OTC: variants seen among roughly 807,000 people sequenced by gnomAD.
OTC encodes the protein ornithine transcarbamylase.
OTC carries 3 observed loss-of-function variants against 30.3 expected under a neutral mutation model. The ratio of observed to expected loss-of-function variants is 0.10; its 90% confidence interval spans 0.05 to 0.26. The LOEUF is 0.26. OTC is among the 10% of genes least tolerant of loss of function. OTC has a pLI of 1.00. For missense variants in OTC, 194 were observed against 260.3 expected (o/e 0.75, Z 1.75); for synonymous variants, 111 against 99.7 (o/e 1.11, Z -0.67).
At chrX:38,345,714 T>A in the OTC span, among the ~76,000 whole-genome samples, 2 of 109,966 alleles carry the variant, frequency 1.8e-5, no homozygotes, top group African/African-American at 6.6e-5. Context: ...CTAATTTTTG[T>A]ATCCTTAGTA....
downstream of OTC, among the ~76,000 whole-genome samples, chrX:38,421,851 T>C (rs769391084): frequency 8.9e-6 from 1 of 111,846 alleles, no homozygotes; most frequent in South Asian, 3.7e-4. Flanking sequence ...CATCTGTGCT[T>C]ATCATGCATC....
chrX:38,354,807 C>A (rs1465674229), intron 1 of OTC, among the ~76,000 whole-genome samples: 1 of 111,795 alleles, frequency 8.9e-6, no homozygotes, highest in Non-Finnish European at 1.9e-5. Context: ...AGGTATTTTT[C>A]TTTCCTACTG....
At chrX:38,401,229 A>T (rs1194387537) in intron 4 of OTC, 46 bp from the exon 5 acceptor site, 7 of 997,216 alleles carry the variant, frequency 7.0e-6, no homozygotes, top group Non-Finnish European at 9.9e-6. Flanking sequence ...ATAAGGCATT[A>T]TTAAGCATAA....
chrX:38,421,773 G>C (rs991917), downstream of OTC, among the ~76,000 whole-genome samples: 56,777 of 110,441 alleles, frequency 0.51, 12,159 homozygotes, highest in African/African-American at 0.82. Context: ...AGTGGTAAAA[G>C]CATGGATACC....
chrX:38,343,587 T>C, the OTC span, among the ~76,000 whole-genome samples: 1 of 112,285 alleles, frequency 8.9e-6, no homozygotes, highest in Non-Finnish European at 1.9e-5. Flanking sequence ...CCTAATCTTG[T>C]CTTCTGTGCA....
At chrX:38,337,511 G>A in the OTC span, among the ~76,000 whole-genome samples, 1 of 111,513 alleles carries the variant, frequency 9.0e-6, no homozygotes, top group Admixed American at 9.5e-5. Context: ...ATTAACCCCT[G>A]ATCATGATTT....
the OTC span, among the ~76,000 whole-genome samples, chrX:38,344,587 T>C: frequency 1.8e-5 from 2 of 111,446 alleles, no homozygotes; most frequent in Non-Finnish European, 3.8e-5. Context: ...AAACTCACAG[T>C]GGATCACAGA....
At chrX:38,415,412 A>G (rs2068565820) in intron 9 of OTC, among the ~76,000 whole-genome samples, 1 of 111,183 alleles carries the variant, frequency 9.0e-6, no homozygotes, top group Non-Finnish European at 1.9e-5. Flanking sequence ...CTTATTTAGA[A>G]TGGCCTTTAG....
intron 1 of OTC, among the ~76,000 whole-genome samples, chrX:38,356,183 A>G (rs1315720397): frequency 1.9e-5 from 2 of 106,194 alleles, no homozygotes; most frequent in Non-Finnish European, 3.9e-5. Flanking sequence ...ATTTTTAGTA[A>G]TTGAGTAACG....
chrX:38,414,191 T>C (rs2068558410), intron 9 of OTC, among the ~76,000 whole-genome samples: 1 of 112,434 alleles, frequency 8.9e-6, no homozygotes, highest in African/African-American at 3.2e-5. Flanking sequence ...AGATCCTTTG[T>C]AGAAATTCAG....
chrX:38,376,637 G>T (rs1349468044), intron 3 of OTC, among the ~76,000 whole-genome samples: 1 of 111,938 alleles, frequency 8.9e-6, no homozygotes, highest in Non-Finnish European at 1.9e-5. Context: ...ATAATGAAGG[G>T]ATGGCAAAAG....
chrX:38,378,460 C>T, intron 3 of OTC, among the ~76,000 whole-genome samples: 1 of 109,906 alleles, frequency 9.1e-6, no homozygotes, highest in East Asian at 2.8e-4. Context: ...AAAGACAAGG[C>T]CATTATGTAA....
chrX:38,332,661 G>A, the OTC span, among the ~76,000 whole-genome samples: 1 of 107,677 alleles, frequency 9.3e-6, no homozygotes, highest in Non-Finnish European at 1.9e-5. Flanking sequence ...ATAAGGCAAA[G>A]GCAGCTCACT....
At chrX:38,376,642 CA>C (rs1240547441) in intron 3 of OTC, among the ~76,000 whole-genome samples, 1 of 111,512 alleles carries the variant, frequency 9.0e-6, no homozygotes, top group Non-Finnish European at 1.9e-5. Context: ...GAAGGGATGG[CA>C]AAAGATATTC....
chrX:38,413,449 AATTTGTCAT>A (rs1427815601), intron 9 of OTC, among the ~76,000 whole-genome samples: 1 of 111,034 alleles, frequency 9.0e-6, no homozygotes, highest in Non-Finnish European at 1.9e-5. Flanking sequence ...ATTAGGCCTA[AATTTGTCAT>A]ATCTAATAAC....
At chrX:38,376,003 C>T (rs1368526793) in intron 3 of OTC, among the ~76,000 whole-genome samples, 3 of 111,357 alleles carry the variant, frequency 2.7e-5, no homozygotes, top group Non-Finnish European at 5.7e-5. Flanking sequence ...GTCCTAGACA[C>T]TGTGTGAAGA....
intron 1 of OTC, among the ~76,000 whole-genome samples, chrX:38,361,394 C>T (rs1170429936): frequency 8.9e-6 from 1 of 111,859 alleles, no homozygotes; most frequent in Non-Finnish European, 1.9e-5. Context: ...TGATTGTTAC[C>T]CTGCTGCTGT....
chrX:38,385,630 G>A (rs2068398718), intron 4 of OTC, among the ~76,000 whole-genome samples: 1 of 111,026 alleles, frequency 9.0e-6, no homozygotes, highest in African/African-American at 3.3e-5. Context: ...AGCCATTAAT[G>A]TTCTAAAATC....
the OTC span, among the ~76,000 whole-genome samples, chrX:38,333,414 A>C: frequency 9.1e-6 from 1 of 110,128 alleles, no homozygotes; most frequent in Non-Finnish European, 1.9e-5. Flanking sequence ...CAGATGGTTT[A>C]AGCCTGTGGA....
Sources: gnomAD v4.1 joint callset for allele counts (sites outside exome capture counted in the v4.1 genomes callset) on GRCh38, gnomAD v4.1.1 for gene constraint, MANE v1.5 for transcripts, NCBI Gene and HGNC (gene_info 2026-07-23, HGNC 2026-07-21) for gene names.